LRRC69: variants seen among roughly 807,000 people sequenced by gnomAD.
The protein encoded by LRRC69 is leucine rich repeat containing 69.
Under a neutral mutation model 37.8 loss-of-function variants are expected in LRRC69, and 42 were observed. That is an observed-to-expected ratio of 1.11 (90% CI 0.87 to 1.44). LRRC69 has a LOEUF of 1.44. LRRC69 is among the 40% of genes most tolerant of loss of function. LRRC69 has a pLI of 0.00. For synonymous variants in LRRC69, 141 were observed against 143.1 expected (o/e 0.99, Z 0.11); for missense variants, 357 against 401.9 (o/e 0.89, Z 0.96).
intron 5 of LRRC69, among the ~76,000 whole-genome samples, chr8:91,174,604 G>A (rs1809191982): frequency 6.6e-6 from 1 of 152,178 alleles, no homozygotes; most frequent in Non-Finnish European, 1.5e-5. Context: ...TGAAATCTTT[G>A]AATATATTTC....
At chr8:91,207,878 G>C (rs1809833193) in intron 7 of LRRC69, among the ~76,000 whole-genome samples, 1 of 152,178 alleles carries the variant, frequency 6.6e-6, no homozygotes, top group African/African-American at 2.4e-5. Context: ...AGACTGGGTG[G>C]CTTACACAAC....
exon 6 of LRRC69, chr8:91,189,564 C>T (rs1161505618): frequency 1.3e-6 from 2 of 1,550,888 alleles, no homozygotes; most frequent in East Asian, 2.4e-5. Flanking sequence ...TGAGGGAAAC[C>T]CACTGTTCCT....
chr8:91,214,954 A>G (rs1411211948), intron 7 of LRRC69, among the ~76,000 whole-genome samples: 2 of 152,130 alleles, frequency 1.3e-5, no homozygotes, highest in Non-Finnish European at 2.9e-5. Flanking sequence ...GAGGCTCCCC[A>G]TATCCATTGG....
intron 7 of LRRC69, among the ~76,000 whole-genome samples, chr8:91,211,616 ATT>A (rs34106795): frequency 1.1e-3 from 156 of 137,526 alleles, no homozygotes; most frequent in African/African-American, 3.9e-3. Context: ...ATATATATAT[ATT>A]TTTTTTTTAT....
chr8:91,176,598 G>C (rs1040310379), intron 5 of LRRC69, among the ~76,000 whole-genome samples: 2 of 152,118 alleles, frequency 1.3e-5, no homozygotes, highest in Admixed American at 1.3e-4. Context: ...CTGTATACAA[G>C]CTGAAGGCCC....
chr8:91,180,964 C>T (rs1403645465), intron 5 of LRRC69, among the ~76,000 whole-genome samples: 1 of 151,562 alleles, frequency 6.6e-6, no homozygotes, highest in African/African-American at 2.4e-5. Context: ...AAATAAAATA[C>T]CTCTAGGAAA....
Position 91,170,272 on chromosome 8 carries a change from C to T in LRRC69, c.652-19250C>T, listed in dbSNP as rs562014372. Among the ~76,000 whole-genome samples the T allele has an allele frequency of 1.8e-3, 156 of 84,740 alleles. 1 individual carries two copies. The highest frequency in any genetic ancestry group is 7.7e-3 in the African/African-American group (153 of 19,780). The allele number at this position is 84,740 out of a possible 152,430, so 55.6% of individuals were successfully genotyped here. On this transcript the variant is annotated intron_variant, in intron 5 of 7. Coordinates refer to ENST00000448384, the Ensembl canonical transcript of LRRC69. ...TTTTGATTTGCATTTCTCTGATGGC[C>T]AGTGATGATGAGCATTTTTTCATGT...
intron 7 of LRRC69, among the ~76,000 whole-genome samples, chr8:91,208,348 C>T (rs936250633): frequency 2.6e-5 from 4 of 151,774 alleles, no homozygotes; most frequent in Non-Finnish European, 5.9e-5. Flanking sequence ...TGAAGATTAC[C>T]TAAGGAGATC....
intron 5 of LRRC69, among the ~76,000 whole-genome samples, chr8:91,182,658 G>A (rs1265601239): frequency 6.6e-6 from 1 of 152,120 alleles, no homozygotes; most frequent in Non-Finnish European, 1.5e-5. Flanking sequence ...TAGTAAGTAT[G>A]GAGCTGAAAT....
intron 4 of LRRC69, 21 bp from the exon 5 acceptor site, chr8:91,135,647 C>G (rs1586237980): frequency 2.2e-6 from 3 of 1,379,572 alleles, no homozygotes; most frequent in East Asian, 5.6e-5. Context: ...AAAAATCTCT[C>G]TCTTCTGTTT....
intron 1 of LRRC69, among the ~76,000 whole-genome samples, chr8:91,114,712 C>T (rs1032376126): frequency 1.3e-5 from 2 of 151,870 alleles, no homozygotes; most frequent in Non-Finnish European, 2.9e-5. Flanking sequence ...GCATAGTAGG[C>T]TTATAGCAGG....
intron 5 of LRRC69, among the ~76,000 whole-genome samples, chr8:91,166,311 C>T (rs146493341): frequency 1.3e-5 from 2 of 151,494 alleles, no homozygotes; most frequent in African/African-American, 2.4e-5. Context: ...CACACTATTA[C>T]AGTAGTGTAG....
At chr8:91,120,507 G>T (rs1813600178) in intron 1 of LRRC69, among the ~76,000 whole-genome samples, 1 of 152,116 alleles carries the variant, frequency 6.6e-6, no homozygotes, top group Non-Finnish European at 1.5e-5. Context: ...GAGCTTTGGG[G>T]CATGCCCTGC....
At chr8:91,152,708 T>C (rs939229725) in intron 5 of LRRC69, among the ~76,000 whole-genome samples, 2 of 151,562 alleles carry the variant, frequency 1.3e-5, no homozygotes, top group African/African-American at 4.8e-5. Flanking sequence ...AATCTATAAA[T>C]TACTTTGGAC....
chr8:91,110,141 A>G (rs35066004), intron 1 of LRRC69, among the ~76,000 whole-genome samples: 79,365 of 151,872 alleles, frequency 0.52, 21,397 homozygotes, highest in South Asian at 0.66. Flanking sequence ...ATACTATTTG[A>G]TTATAATAAA....
At chr8:91,119,522 G>T (rs1485932988) in intron 1 of LRRC69, among the ~76,000 whole-genome samples, 1 of 151,994 alleles carries the variant, frequency 6.6e-6, no homozygotes, top group African/African-American at 2.4e-5. Context: ...ATTTCACATG[G>T]TAGCTTCTTC....
exon 2 of LRRC69, chr8:91,124,557 C>T: frequency 6.5e-7 from 1 of 1,540,488 alleles, no homozygotes; most frequent in Non-Finnish European, 8.8e-7. Flanking sequence ...AAATATCTTA[C>T]ATCTCTGAAG....
At chr8:91,215,381 C>T (rs931062221) in intron 7 of LRRC69, among the ~76,000 whole-genome samples, 6 of 152,036 alleles carry the variant, frequency 3.9e-5, no homozygotes, top group Admixed American at 6.6e-5. Context: ...TTTAATTTCT[C>T]AAAGTTTAAA....
chr8:91,134,486 A>T (rs1813869515), intron 4 of LRRC69, among the ~76,000 whole-genome samples: 1 of 81,298 alleles, frequency 1.2e-5, no homozygotes, highest in Admixed American at 9.7e-5. Flanking sequence ...AGGAAATTAC[A>T]TTTTTTTTTT....
Sources: allele counts gnomAD v4.1 joint callset (sites outside exome capture counted in the v4.1 genomes callset), GRCh38; gene constraint gnomAD v4.1.1; transcripts MANE v1.5; gene names NCBI Gene and HGNC (gene_info 2026-07-23, HGNC 2026-07-21).